SEC24B: variants seen among roughly 807,000 people sequenced by gnomAD.
The protein encoded by SEC24B is SEC24 homolog B, COPII component.
In SEC24B, 45 loss-of-function variants were observed where a neutral mutation model predicts 142.8. That is an observed-to-expected ratio of 0.32 (90% CI 0.25 to 0.40). SEC24B has a LOEUF of 0.40. Among genes scored for constraint, SEC24B ranks in the 10% least tolerant of loss-of-function variants. The probability of loss-of-function intolerance (pLI) is 1.00; values close to 1 mark genes in which losing one functional copy is unlikely to be tolerated. For synonymous variants in SEC24B, 574 were observed against 568.2 expected (o/e 1.01, Z -0.15); for missense variants, 1,409 against 1,526.8 (o/e 0.92, Z 1.29).
intron 1 of SEC24B, 60 bp from the exon 2 acceptor site, chr4:109,462,841 G>A (rs577229713): frequency 1.6e-5 from 20 of 1,264,588 alleles, no homozygotes; most frequent in African/African-American, 1.2e-4. Context: ...ATTTAAATGG[G>A]GGCTATTTTT....
At chr4:109,482,815 A>G (rs1733863773) in intron 4 of SEC24B, among the ~76,000 whole-genome samples, 1 of 149,002 alleles carries the variant, frequency 6.7e-6, no homozygotes, top group Non-Finnish European at 1.5e-5. Flanking sequence ...TATTTTTTGT[A>G]GAGATGGGGT....
At chr4:109,454,493 G>C (rs1329807840) in intron 1 of SEC24B, among the ~76,000 whole-genome samples, 2 of 150,862 alleles carry the variant, frequency 1.3e-5, no homozygotes, top group African/African-American at 4.9e-5. Context: ...AGCTGAGATC[G>C]CACCACTGCA....
intron 4 of SEC24B, 42 bp downstream of exon 4, chr4:109,481,823 C>A: frequency 1.4e-6 from 2 of 1,479,114 alleles, no homozygotes; most frequent in South Asian, 1.2e-5. Flanking sequence ...TTTTCCTGCT[C>A]AAGTTTTCTT....
Position 109,506,401 on chromosome 4 carries a change from G to T in SEC24B, c.1562G>T (p.Ser521Ile). 1.2e-6 allele frequency: 2 copies of T among 1,611,072 alleles called. No individual in the cohort carries two copies. Among genetic ancestry groups the T allele is most frequent in the Non-Finnish European group, 1.7e-6 (2 of 1,178,310 alleles). The change falls in exon 7 of 24, where the codon AGC becomes ATC. Residue 521 changes from serine to isoleucine, a missense_variant. Ser to Ile is a moderately radical substitution (Grantham distance 142). Around this residue, in one of 2 missense-constraint regions of SEC24B, gnomAD observed 709 missense variants for 673.5 expected, o/e 1.05. Coordinates refer to ENST00000265175, the MANE Select transcript of SEC24B (RefSeq NM_006323.5). ...LSLQSSPQPE[S>I]LRPVNLTQER... ...CTTCAGAGTTCTCCACAACCAGAAA[G>T]CCTGAGACCTGTAAACCTTACTCAG...
chr4:109,508,980 A>G (rs1737017435), intron 7 of SEC24B, among the ~76,000 whole-genome samples: 1 of 152,220 alleles, frequency 6.6e-6, no homozygotes. Context: ...CAGTCAAACT[A>G]GTAAATATAT....
intron 12 of SEC24B, 41 bp from the exon 13 acceptor site, chr4:109,521,076 T>C (rs768771464): frequency 2.4e-6 from 3 of 1,230,338 alleles, no homozygotes; most frequent in Admixed American, 1.8e-5. Context: ...AATGTATTCT[T>C]TTGTTCGATT....
chr4:109,453,162 T>C (rs1730287741), intron 1 of SEC24B, among the ~76,000 whole-genome samples: 2 of 152,158 alleles, frequency 1.3e-5, no homozygotes. Context: ...TCCCATGCTT[T>C]AAGGGCAACA....
intron 7 of SEC24B, 67 bp from the exon 8 acceptor site, chr4:109,509,942 T>A: frequency 1.1e-6 from 1 of 911,476 alleles, no homozygotes; most frequent in African/African-American, 1.7e-5. Context: ...TTCTTAGTTA[T>A]CTTATCTACT....
chr4:109,512,150 A>G, intron 9 of SEC24B, 67 bp downstream of exon 9: 3 of 1,402,280 alleles, frequency 2.1e-6, no homozygotes, highest in Non-Finnish European at 1.9e-6. Flanking sequence ...GATTTTTGTC[A>G]TCTCCTGGTT....
chr4:109,524,953 C>A lies in SEC24B; in HGVS notation c.2632+12C>A. 1 of 1,598,274 alleles carries A rather than the reference C, an allele frequency of 6.3e-7. No homozygotes were observed. Among genetic ancestry groups the A allele is most frequent in the Non-Finnish European group, 8.5e-7 (1 of 1,173,370 alleles). ...TCTTGCTTCTCTAGGTAAGGAAAGT[C>A]ATCATGGGTACATTTGTTTAAATGA... On this transcript the variant is annotated intron_variant, in intron 15 of 23. Transcript: ENST00000265175.
Position 109,531,388 on chromosome 4 carries a change from G to A in SEC24B, c.3256G>A (p.Ala1086Thr). The change falls in exon 20 of 24, where the codon GCA becomes ACA. Residue 1086 changes from alanine (A) to threonine (T), a missense_variant. Ala to Thr is a moderately conservative substitution (Grantham distance 58). Coordinates refer to ENST00000265175, the MANE Select transcript of SEC24B (RefSeq NM_006323.5). ...LYVLALLKQK[A>T]FRTGTSTRLD... is the part of the protein sequence containing the mutation. ...ACGTTTATCTTTTTCCTTGTAGAAA[G>A]CATTTAGAACGGGTACAAGCACACG... 6.3e-7 allele frequency: 1 copy of A among 1,599,220 alleles called. No individual in the cohort carries two copies. The highest frequency in any genetic ancestry group is 8.5e-7 in the Non-Finnish European group (1 of 1,171,636).
At position 109,481,708 on chromosome 4, in the gene SEC24B, A is replaced by G. The variant is rs747241193; in HGVS notation, c.1092A>G (p.Gln364=). 6.2e-7 allele frequency: 1 copy of G among 1,613,824 alleles called. No homozygotes were observed. The highest frequency in any genetic ancestry group is 1.7e-5 in the Admixed American group (1 of 60,018). Residue 364 remains glutamine (Q), a synonymous_variant, in exon 4 of 24, where the codon CAA becomes CAG. Transcript: ENST00000265175. ...AGTATGGTGAATATGTTAATAACCA[A>G]GCTAGCTCCGCACCAACTCCCTTGT... ...GVQYGEYVNN[Q]ASSAPTPLSS...
chr4:109,486,096 G>A (rs773086807), intron 4 of SEC24B, among the ~76,000 whole-genome samples: 10 of 152,164 alleles, frequency 6.6e-5, no homozygotes, highest in Non-Finnish European at 1.5e-4. Flanking sequence ...GAGAGAACAC[G>A]AAGAACATTT....
At position 109,539,763 on chromosome 4, in the gene SEC24B, G is replaced by C; in HGVS notation, c.*88G>C. 139 of 831,230 alleles carry C rather than the reference G, an allele frequency of 1.7e-4. No individual in the cohort carries two copies. Among genetic ancestry groups the C allele is most frequent in the Non-Finnish European group, 2.4e-4 (121 of 509,382 alleles). 51.5% of individuals were successfully genotyped at this position (831,230 alleles called of 1,614,324 possible). On this transcript the variant is annotated 3_prime_UTR_variant, in exon 24 of 24. Coordinates refer to ENST00000265175, the MANE Select transcript of SEC24B (RefSeq NM_006323.5). Reference sequence around the variant, plus strand: ...AGCGCGTGAGAAATTTGAAATGAAGGCATTTGTTAATACAAGATGCAACGC... The same window carrying C: ...AGCGCGTGAGAAATTTGAAATGAAGCCATTTGTTAATACAAGATGCAACGC...
intron 1 of SEC24B, among the ~76,000 whole-genome samples, chr4:109,459,100 A>G (rs1401801352): frequency 1.3e-5 from 2 of 152,220 alleles, no homozygotes; most frequent in Non-Finnish European, 2.9e-5. Context: ...TACATAATGC[A>G]CTGTGTTGCT....
chr4:109,523,135 C>A (rs1487001952), intron 14 of SEC24B, among the ~76,000 whole-genome samples: 1 of 151,980 alleles, frequency 6.6e-6, no homozygotes, highest in African/African-American at 2.4e-5. Context: ...CTTAGGAGTT[C>A]TAAACCAGCT....
intron 23 of SEC24B, among the ~76,000 whole-genome samples, chr4:109,539,162 A>G (rs954524667): frequency 1.6e-4 from 24 of 151,936 alleles, no homozygotes; most frequent in Non-Finnish European, 2.8e-4. Flanking sequence ...GGGTTTCACC[A>G]TGTTGGCCAG....
At position 109,521,410 on chromosome 4, in the gene SEC24B, G is replaced by T. The variant is rs1723599154; in HGVS notation, c.2302-10G>T. On this transcript the variant is annotated splice_polypyrimidine_tract_variant and intron_variant, in intron 13 of 23. Coordinates refer to ENST00000265175, the MANE Select transcript of SEC24B (RefSeq NM_006323.5). ...CTCAGTAATTCAATTTTTGATCTTT[G>T]TTTTCTCAGCTTATAAAAGACTTAC... 1.2e-6 allele frequency: 2 copies of T among 1,607,724 alleles called. No homozygotes were observed. The highest frequency in any genetic ancestry group is 2.2e-5 in the South Asian group (2 of 90,882).
chr4:109,483,782 T>G (rs1734067465), intron 4 of SEC24B, among the ~76,000 whole-genome samples: 1 of 152,192 alleles, frequency 6.6e-6, no homozygotes, highest in Admixed American at 6.5e-5. Context: ...CATCTATGTT[T>G]CTGAAATTTT....
Sources: gnomAD v4.1 joint callset for allele counts (sites outside exome capture counted in the v4.1 genomes callset) on GRCh38, gnomAD v4.1.1 for gene constraint, gnomAD v4.1.1 regional missense constraint, MANE v1.5 for transcripts, NCBI Gene and HGNC (gene_info 2026-07-23, HGNC 2026-07-21) for gene names.